RGS7: variants seen among roughly 807,000 people sequenced by gnomAD.
RGS7 encodes regulator of G-protein signaling 7.
A neutral mutation model predicts 81.1 loss-of-function variants in RGS7; 27 were observed. The ratio of observed to expected loss-of-function variants is 0.33; its 90% CI spans 0.25 to 0.46. The LOEUF (loss-of-function observed/expected upper bound fraction) is 0.46. Ranked by LOEUF, RGS7 falls within the 20% of genes least tolerant of loss-of-function variation. RGS7 has a pLI of 1.00. For synonymous variants in RGS7, 208 were observed against 207.7 expected (o/e 1.00, Z -0.01); for missense variants, 396 against 607.4 (o/e 0.65, Z 3.66).
intron 2 of RGS7, among the ~76,000 whole-genome samples, chr1:241,220,999 G>GAAAGAA (rs1558203373): frequency 0.065 from 4,076 of 63,192 alleles, 192 homozygotes; most frequent in Non-Finnish European, 0.088. Flanking sequence ...GGAAGGAAGA[G>GAAAGAA]AGAGAGAAAG....
intron 5 of RGS7, among the ~76,000 whole-genome samples, chr1:240,933,064 A>G (rs1675911452): frequency 6.8e-6 from 1 of 148,092 alleles, no homozygotes; most frequent in South Asian, 2.1e-4. Context: ...TTGTATTTTC[A>G]GTAGAGACGG....
intron 9 of RGS7, among the ~76,000 whole-genome samples, chr1:240,832,814 A>C (rs764587847): frequency 6.6e-6 from 1 of 152,210 alleles, no homozygotes; most frequent in Non-Finnish European, 1.5e-5. Context: ...ATAGCAAGAC[A>C]TCAAGTACAC....
At chr1:240,830,798 A>G (rs1693707454) in intron 9 of RGS7, among the ~76,000 whole-genome samples, 1 of 152,218 alleles carries the variant, frequency 6.6e-6, no homozygotes, top group South Asian at 2.1e-4. Flanking sequence ...CAGGGGTCAT[A>G]ATTAACAAAT....
intron 2 of RGS7, among the ~76,000 whole-genome samples, chr1:241,177,345 T>C (rs2071231830): frequency 6.6e-6 from 1 of 151,994 alleles, no homozygotes; most frequent in African/African-American, 2.4e-5. Context: ...TATAAAAGCC[T>C]CAAGGCAGGG....
intron 2 of RGS7, among the ~76,000 whole-genome samples, chr1:241,173,836 T>C (rs547349967): frequency 1.5e-4 from 23 of 152,276 alleles, no homozygotes; most frequent in Admixed American, 5.9e-4. Context: ...CTACCACCAC[T>C]TACTACCCTC....
intron 2 of RGS7, among the ~76,000 whole-genome samples, chr1:241,281,907 T>G (rs1184928398): frequency 1.3e-5 from 2 of 152,190 alleles, no homozygotes; most frequent in African/African-American, 4.8e-5. Context: ...CTCCATATAT[T>G]TAGTTAAACG....
rs543083040 is a variant in RGS7 at position 240,805,225 on chromosome 1, T to A, written c.1269+915A>T. Among the ~76,000 whole-genome samples the A allele has an allele frequency of 1.7e-3, 239 of 142,384 alleles. 1 individual carries two copies. Among genetic ancestry groups the A allele is most frequent in the African/African-American group, 5.6e-3 (225 of 39,970 alleles). The allele number at this position is 142,384 out of a possible 152,430, so 93.4% of individuals were successfully genotyped here. ...CCCACCCTGTCTCTACAAAAAAAAA[T>A]AAAAAAAAATTAGCCAGGCATGGTG... On this transcript the variant is annotated intron_variant, in intron 15 of 18. Coordinates refer to ENST00000440928, the MANE Select transcript of RGS7 (RefSeq NM_001364886.1).
At chr1:240,903,820 C>T (rs1670398163) in intron 6 of RGS7, among the ~76,000 whole-genome samples, 1 of 152,166 alleles carries the variant, frequency 6.6e-6, no homozygotes, top group African/African-American at 2.4e-5. Flanking sequence ...AAGAGCCTTG[C>T]ACTTTCCCAC....
intron 2 of RGS7, among the ~76,000 whole-genome samples, chr1:241,253,899 TA>T (rs1442464645): frequency 6.6e-6 from 1 of 152,194 alleles, no homozygotes; most frequent in Non-Finnish European, 1.5e-5. Context: ...TGTCCCATTC[TA>T]GAAGGACAGT....
At chr1:240,905,659 A>C (rs1670701583) in intron 6 of RGS7, among the ~76,000 whole-genome samples, 1 of 152,204 alleles carries the variant, frequency 6.6e-6, no homozygotes, top group African/African-American at 2.4e-5. Context: ...CAATGCACTC[A>C]GGGTGCTCAG....
At chr1:240,968,680 C>T (rs1054053048) in intron 4 of RGS7, among the ~76,000 whole-genome samples, 13 of 152,022 alleles carry the variant, frequency 8.6e-5, no homozygotes, top group Admixed American at 4.6e-4. Flanking sequence ...AAAGGGTGAC[C>T]TTTTACTGTA....
At chr1:241,287,249 C>T (rs1370865475) in intron 2 of RGS7, among the ~76,000 whole-genome samples, 1 of 152,146 alleles carries the variant, frequency 6.6e-6, no homozygotes, top group Admixed American at 6.5e-5. Flanking sequence ...TATGGTTTGG[C>T]TGTGTCCCCA....
intron 2 of RGS7, among the ~76,000 whole-genome samples, chr1:241,141,166 T>C (rs950885204): frequency 6.6e-6 from 1 of 152,194 alleles, no homozygotes; most frequent in Non-Finnish European, 1.5e-5. Flanking sequence ...AGTTATGAAT[T>C]GCTAACCGTC....
At position 241,351,262 on chromosome 1, in the gene RGS7, C is replaced by A. The variant is rs558641090; in HGVS notation, c.78+4437G>T. Among the ~76,000 whole-genome samples the A allele has an allele frequency of 3.7e-3, 564 of 151,774 alleles. 1 individual carries two copies. Among genetic ancestry groups the A allele is most frequent in the Middle Eastern group, 0.017 (5 of 294 alleles). On this transcript the variant is annotated intron_variant, in intron 2 of 18. Transcript: ENST00000440928. ...AGTGAGACCCCATCTCTAGAAAAAA[C>A]AAAAAAATTATACAGGCATCATGGC...
At chr1:240,800,192 TG>T (rs1558270035) in intron 18 of RGS7, among the ~76,000 whole-genome samples, 1 of 152,154 alleles carries the variant, frequency 6.6e-6, no homozygotes, top group Admixed American at 6.5e-5. Context: ...TATTGCCCCA[TG>T]GTGACTTATG....
chr1:241,319,371 G>A lies in RGS7; in HGVS notation c.78+36328C>T, dbSNP rs144324815. On this transcript the variant is annotated intron_variant, in intron 2 of 18. Coordinates refer to ENST00000440928, the MANE Select transcript of RGS7 (RefSeq NM_001364886.1). ...AAGAATATAGATTTTACTGTTAATG[G>A]TGCCTATTAAATGTTGGTATAAAAA... 5.0e-3 allele frequency among the ~76,000 whole-genome samples: 766 copies of A among 152,240 alleles called. 2 individuals carry two copies. The highest frequency in any genetic ancestry group is 0.01 in the Middle Eastern group (3 of 294).
At chr1:241,141,032 G>C (rs534996011) in intron 2 of RGS7, among the ~76,000 whole-genome samples, 6 of 152,248 alleles carry the variant, frequency 3.9e-5, no homozygotes, top group African/African-American at 1.4e-4. Context: ...GCATAAAAAT[G>C]TAAAAGTTTT....
intron 2 of RGS7, 139 bp from the exon 3 acceptor site, chr1:241,098,901 A>T (rs2064503117): frequency 1.5e-6 from 1 of 682,388 alleles, no homozygotes; most frequent in African/African-American, 1.8e-5. Context: ...TTTTTGCCAC[A>T]TTAATAGTTT....
At chr1:241,200,119 T>C (rs916262892) in intron 2 of RGS7, among the ~76,000 whole-genome samples, 2 of 152,156 alleles carry the variant, frequency 1.3e-5, no homozygotes, top group Non-Finnish European at 2.9e-5. Flanking sequence ...AGGCGACCAC[T>C]GAAGTTAATC....
Sources: allele counts gnomAD v4.1 joint callset (sites outside exome capture counted in the v4.1 genomes callset), GRCh38; gene constraint gnomAD v4.1.1; transcripts MANE v1.5; gene names NCBI Gene and HGNC (gene_info 2026-07-23, HGNC 2026-07-21).